ESRRG: variants seen among roughly 807,000 people sequenced by gnomAD.
ESRRG encodes estrogen-related receptor gamma.
In ESRRG, 13 loss-of-function variants were observed where a neutral mutation model predicts 44.0. The observed-to-expected ratio is 0.30, with a 90% CI of 0.19 to 0.47. ESRRG has a LOEUF of 0.47. Among genes scored for constraint, ESRRG ranks in the 20% least tolerant of loss-of-function variants. The probability of loss-of-function intolerance (pLI) is 1.00; values close to 1 mark genes in which losing one functional copy is unlikely to be tolerated. For synonymous variants in ESRRG, 215 were observed against 214.6 expected (o/e 1.00, Z -0.02); for missense variants, 395 against 580.6 (o/e 0.68, Z 3.29).
At chr1:216,554,585 A>T (rs1248081608) in intron 5 of ESRRG, among the ~76,000 whole-genome samples, 1 of 152,104 alleles carries the variant, frequency 6.6e-6, no homozygotes, top group African/African-American at 2.4e-5. Flanking sequence ...GCACTGAGCT[A>T]TGATCATGCC....
intron 2 of ESRRG, among the ~76,000 whole-genome samples, chr1:216,755,300 C>G (rs1236745369): frequency 6.6e-6 from 1 of 151,728 alleles, no homozygotes; most frequent in Non-Finnish European, 1.5e-5. Context: ...GCCTTTAAAG[C>G]AAAAATTAAT....
chr1:216,731,953 A>G (rs2088866189), intron 2 of ESRRG, among the ~76,000 whole-genome samples: 1 of 152,246 alleles, frequency 6.6e-6, no homozygotes, highest in African/African-American at 2.4e-5. Context: ...GGATTAATTC[A>G]TCCTTCGATA....
intron 2 of ESRRG, among the ~76,000 whole-genome samples, chr1:216,768,492 A>ATCTATCTATCTATCTG (rs1553593272): frequency 7.5e-6 from 1 of 132,774 alleles, no homozygotes; most frequent in African/African-American, 2.5e-5. Context: ...CTATCTATCT[A>ATCTATCTATCTATCTG]TCTATCTATA....
intron 2 of ESRRG, among the ~76,000 whole-genome samples, chr1:216,788,916 C>G (rs752073188): frequency 6.6e-6 from 1 of 151,986 alleles, no homozygotes. Context: ...GTAGAAATAG[C>G]AAGAGAATTA....
chr1:216,757,474 T>C (rs1011465696), intron 2 of ESRRG, among the ~76,000 whole-genome samples: 1 of 151,918 alleles, frequency 6.6e-6, no homozygotes, highest in Non-Finnish European at 1.5e-5. Flanking sequence ...AACATGGCCT[T>C]TGACAATTTT....
intron 1 of ESRRG, chr1:216,707,221 G>T (rs1216207734): frequency 2.1e-6 from 2 of 936,624 alleles, no homozygotes; most frequent in Admixed American, 2.7e-5. Flanking sequence ...TGTCTTACAT[G>T]ATCTTTAAAA....
rs988287302 is a variant in ESRRG, at chr1:216,505,841, A to G, written c.*1098T>C. ...CTTCAACTATTGCTTGAGTAAGTTA[A>G]ATTCCCATATTAATAAATGGCTGAA... On this transcript the variant is annotated 3_prime_UTR_variant, in exon 7 of 7. Transcript: ENST00000408911. 2.0e-5 allele frequency: 3 copies of G among 152,632 alleles called. No homozygotes were observed. The highest frequency in any genetic ancestry group is 2.9e-5 in the Non-Finnish European group (2 of 68,042). 9.5% of individuals were successfully genotyped at this position (152,632 alleles called of 1,614,324 possible). A position where few individuals can be genotyped will look rare whatever the true frequency, so the allele number is the denominator to read the frequency against.
At chr1:216,756,253 A>C (rs974481043) in intron 2 of ESRRG, among the ~76,000 whole-genome samples, 41 of 152,052 alleles carry the variant, frequency 2.7e-4, no homozygotes, top group African/African-American at 9.9e-4. Flanking sequence ...AAAAAGCAAT[A>C]TATAAATATT....
intron 1 of ESRRG, among the ~76,000 whole-genome samples, chr1:217,051,080 G>T (rs2085874440): frequency 6.6e-6 from 1 of 151,866 alleles, no homozygotes; most frequent in Non-Finnish European, 1.5e-5. Flanking sequence ...TTTTGTGAAA[G>T]ACTTTTTTCC....
chr1:216,723,198 C>A (rs2086728438), intron 1 of ESRRG, 46 bp downstream of exon 1: 1 of 1,493,142 alleles, frequency 6.7e-7, no homozygotes, highest in South Asian at 1.1e-5. Flanking sequence ...CCCCCACCCC[C>A]GCACCCCCAC....
At chr1:216,799,032 T>A (rs1331320742) in intron 2 of ESRRG, among the ~76,000 whole-genome samples, 2 of 152,098 alleles carry the variant, frequency 1.3e-5, no homozygotes, top group Non-Finnish European at 2.9e-5. Context: ...TCCAAGACCT[T>A]CTCTAGCCCT....
At chr1:216,638,394 G>T (rs2065731157) in intron 3 of ESRRG, among the ~76,000 whole-genome samples, 1 of 151,968 alleles carries the variant, frequency 6.6e-6, no homozygotes, top group Non-Finnish European at 1.5e-5. Flanking sequence ...TATCCAATAT[G>T]GTAGCCATCA....
At chr1:216,718,292 C>G (rs192822713) in intron 1 of ESRRG, among the ~76,000 whole-genome samples, 1 of 151,826 alleles carries the variant, frequency 6.6e-6, no homozygotes, top group African/African-American at 2.4e-5. Context: ...CTATAATCTA[C>G]GTATACATTA....
At chr1:216,921,931 G>A (rs1429930264) in intron 2 of ESRRG, among the ~76,000 whole-genome samples, 1 of 152,112 alleles carries the variant, frequency 6.6e-6, no homozygotes, top group Non-Finnish European at 1.5e-5. Context: ...CCTGGCACAT[G>A]GTAAAACCTT....
At chr1:216,669,355 GA>G (rs2151373907) in intron 2 of ESRRG, among the ~76,000 whole-genome samples, 1 of 152,174 alleles carries the variant, frequency 6.6e-6, no homozygotes, top group Admixed American at 6.5e-5. Context: ...ACCAGGAGAA[GA>G]AAAACTAAAT....
intron 3 of ESRRG, among the ~76,000 whole-genome samples, chr1:216,579,026 A>G (rs1206883645): frequency 6.6e-6 from 1 of 152,190 alleles, no homozygotes; most frequent in Non-Finnish European, 1.5e-5. Context: ...CATTAAAATG[A>G]ACACAAATAT....
At chr1:217,103,065 G>T (rs1482946128) in intron 1 of ESRRG, among the ~76,000 whole-genome samples, 3 of 152,202 alleles carry the variant, frequency 2.0e-5, no homozygotes, top group Non-Finnish European at 4.4e-5. Context: ...GTCATTCTGT[G>T]TCAAAGGGGT....
rs573900861 is a variant in ESRRG at position 217,004,530 on chromosome 1, TC to T, written c.-105-64858del. On this transcript the variant is annotated intron_variant, in intron 1 of 7. Coordinates refer to the ESRRG transcript ENST00000359162. ...GTACTGTCAGTCCATTAAATCTCTT[TC>T]CCTTATAAATTACCCAATATCCAGT... is the stretch of plus-strand genomic sequence containing the variant. Among the ~76,000 whole-genome samples, 628 of 152,298 alleles carry T rather than the reference TC, an allele frequency of 4.1e-3. 3 individuals carry two copies. The highest frequency in any genetic ancestry group is 7.5e-3 in the Non-Finnish European group (508 of 68,022).
chr1:216,912,827 T>C (rs932870988), intron 2 of ESRRG, among the ~76,000 whole-genome samples: 37 of 151,856 alleles, frequency 2.4e-4, no homozygotes, highest in Non-Finnish European at 1.3e-4. Context: ...AACCATTAAT[T>C]GAAAATATTT....
Sources: allele counts gnomAD v4.1 joint callset (sites outside exome capture counted in the v4.1 genomes callset), GRCh38; gene constraint gnomAD v4.1.1; transcripts MANE v1.5; gene names NCBI Gene and HGNC (gene_info 2026-07-23, HGNC 2026-07-21).